PXDN: variants seen among roughly 807,000 people sequenced by gnomAD.
The protein encoded by PXDN is peroxidasin homolog.
A neutral mutation model predicts 140.3 loss-of-function variants in PXDN; 77 were observed. The observed-to-expected ratio is 0.55, with a 90% CI of 0.46 to 0.66. PXDN has a LOEUF of 0.66. Ranked by LOEUF, PXDN falls within the 30% of genes least tolerant of loss-of-function variation. PXDN has a pLI of 0.00. For synonymous variants in PXDN, 911 were observed against 857.4 expected (o/e 1.06, Z -1.09); for missense variants, 1,838 against 2,039.5 (o/e 0.90, Z 1.90).
At chr2:1,703,094 G>GT (rs2125459116) in intron 1 of PXDN, among the ~76,000 whole-genome samples, 1 of 8,046 alleles carries the variant, frequency 1.2e-4, no homozygotes, top group African/African-American at 5.6e-4. Context: ...TCCAGGTGAA[G>GT]GGGGGACAAC....
Position 1,649,383 on chromosome 2 carries a change from G to A in PXDN, c.2397C>T (p.Ser799=), listed in dbSNP as rs774781947. The change falls in exon 17 of 23, where the codon TCC becomes TCT. Residue 799 remains serine (S), a synonymous_variant. Coordinates refer to ENST00000252804, the MANE Select transcript of PXDN (RefSeq NM_012293.3). The surrounding 1 kb of genome is among the most constrained non-coding windows in gnomAD (Gnocchi z 7.1). ...GHALPMPRLV[S]TTLIGTETVT... The stretch of plus-strand genomic sequence containing the variant: ...CGGTCTCCGTCCCGATCAGGGTGGT[G>A]GACACCAGGCGCGGCATGGGAAGGG... 1.2e-6 allele frequency: 2 copies of A among 1,613,872 alleles called. No homozygotes were observed. The highest frequency in any genetic ancestry group is 8.5e-7 in the Non-Finnish European group (1 of 1,179,904).
chr2:1,743,002 T>A (rs949573309), intron 1 of PXDN, among the ~76,000 whole-genome samples: 34 of 152,352 alleles, frequency 2.2e-4, no homozygotes, highest in African/African-American at 8.2e-4. Flanking sequence ...CTGGCTCAGC[T>A]AAGAAACGTG....
At chr2:1,719,871 TGTGA>T (rs1229719438) in intron 1 of PXDN, among the ~76,000 whole-genome samples, 4,932 of 131,336 alleles carry the variant, frequency 0.038, 186 homozygotes, top group Non-Finnish European at 0.06. Context: ...TGTGTGTGTG[TGTGA>T]AAGAGAGAGA....
intron 9 of PXDN, among the ~76,000 whole-genome samples, chr2:1,667,056 G>T (rs536586555): frequency 6.6e-6 from 1 of 152,128 alleles, no homozygotes; most frequent in Non-Finnish European, 1.5e-5. Context: ...CAGCCCACCT[G>T]CAGGGACGTG....
intron 19 of PXDN, among the ~76,000 whole-genome samples, chr2:1,640,828 G>A (rs73178767): frequency 0.084 from 12,743 of 152,284 alleles, 645 homozygotes; most frequent in African/African-American, 0.14. Context: ...ATTACAGGGC[G>A]ACAGGGAAGC....
intron 9 of PXDN, among the ~76,000 whole-genome samples, chr2:1,671,304 A>G (rs1295147206): frequency 1.3e-5 from 2 of 152,232 alleles, no homozygotes; most frequent in Non-Finnish European, 2.9e-5. Context: ...AACATAGAAA[A>G]GTTTGGACAA....
intron 1 of PXDN, among the ~76,000 whole-genome samples, chr2:1,732,709 A>G (rs527330790): frequency 3.3e-5 from 5 of 152,360 alleles, no homozygotes; most frequent in East Asian, 1.9e-4. Context: ...AGTGCTCACC[A>G]AAGTGAAATT....
chr2:1,662,155 C>A lies in PXDN; in HGVS notation c.1597G>T (p.Asp533Tyr). 6.3e-7 allele frequency: 1 copy of A among 1,593,594 alleles called. No homozygotes were observed. The highest frequency in any genetic ancestry group is 8.5e-7 in the Non-Finnish European group (1 of 1,169,928). The change falls in exon 13 of 23, where the codon GAC becomes TAC. Residue 533 changes from aspartate to tyrosine, a missense_variant. Transcript: ENST00000252804. ...TTGGCGCCCACCTCCACTGTTGTGT[C>A]GCTGGGAATGCTGGCAAACACTGGG... is the stretch of plus-strand genomic sequence containing the variant. ...VTPVFASIPS[D>Y]TTVEVGANVQ...
chr2:1,737,677 T>A (rs1685452741), intron 1 of PXDN, among the ~76,000 whole-genome samples: 1 of 152,052 alleles, frequency 6.6e-6, no homozygotes, highest in African/African-American at 2.4e-5. Flanking sequence ...TAGCTGGAAC[T>A]ACAGGCGTGA....
intron 6 of PXDN, among the ~76,000 whole-genome samples, chr2:1,682,627 G>T (rs150531917): frequency 6.6e-6 from 1 of 152,336 alleles, no homozygotes; most frequent in East Asian, 1.9e-4. Flanking sequence ...TAAGCAAAAA[G>T]TATATTTGGA....
intron 1 of PXDN, among the ~76,000 whole-genome samples, chr2:1,738,246 C>A (rs189442359): frequency 1.2e-3 from 182 of 152,278 alleles, no homozygotes; most frequent in African/African-American, 4.2e-3. Context: ...TAAACCTGGG[C>A]GTTGGGAAGT....
intron 8 of PXDN, chr2:1,676,715 G>C (rs780393777): frequency 4.6e-5 from 28 of 611,818 alleles, no homozygotes; most frequent in Non-Finnish European, 7.9e-5. Context: ...CCAGGAGAGA[G>C]TGGGGAAGGG....
At chr2:1,716,918 A>C (rs1374580511) in intron 1 of PXDN, among the ~76,000 whole-genome samples, 4 of 152,196 alleles carry the variant, frequency 2.6e-5, no homozygotes, top group African/African-American at 9.6e-5. Flanking sequence ...CACACAGCCC[A>C]ACAGGGGCAG....
In PXDN at chr2:1,649,005, G is replaced by T; in HGVS notation, c.2775C>A (p.Ser925Arg). 1.2e-6 allele frequency: 2 copies of T among 1,612,224 alleles called. No homozygotes were observed. Among genetic ancestry groups the T allele is most frequent in the Non-Finnish European group, 1.7e-6 (2 of 1,179,524 alleles). ...CGCGGTGGCTGGCCAGGTCGCGGAT[G>T]CTGCGGGCCTCATGCTCCGTGCTCC... ...VYGSTEHEAR[S>R]IRDLASHRGL... Residue 925 changes from serine (S) to arginine (R), a missense_variant, in exon 17 of 23, where the codon AGC (serine) becomes AGA (arginine). Around this residue, in one of 5 missense-constraint regions of PXDN, gnomAD observed 850 missense variants for 894.1 expected, o/e 0.95. Transcript: ENST00000252804. The surrounding 1 kb of genome is among the most constrained non-coding windows in gnomAD (Gnocchi z 7.1).
Position 1,672,916 on chromosome 2 carries a change from G to A in PXDN, c.1018+727C>T, listed in dbSNP as rs569385633. Among the ~76,000 whole-genome samples the A allele has an allele frequency of 2.0e-5, 3 of 152,320 alleles. No homozygotes were observed. In the East Asian group the frequency reaches 5.8e-4, roughly 29 times the overall value. The stretch of plus-strand genomic sequence containing the variant: ...ACACCTGCAGCCTCCCTGGGTAAGG[G>A]CTCCGACTCTACCGGCTTCTGCACA... On this transcript the variant is annotated intron_variant, in intron 9 of 22. Transcript: ENST00000252804.
At position 1,649,991 on chromosome 2, in the gene PXDN, G is replaced by A. The variant is rs1682977898; in HGVS notation, c.2105-316C>T. ...TCCTCTGGGAGACCCCTAACCGATGGAGCCCGACCCACGTTGACCAGTCCA... is the reference window on the plus strand; with the variant it reads ...TCCTCTGGGAGACCCCTAACCGATGAAGCCCGACCCACGTTGACCAGTCCA... On this transcript the variant is annotated intron_variant, in intron 16 of 22. Transcript: ENST00000252804. This position sits in a 1 kb window ranked among gnomAD's most constrained non-coding sequence, Gnocchi z 7.1. 6.6e-6 allele frequency among the ~76,000 whole-genome samples: 1 copy of A among 151,994 alleles called. No individual in the cohort carries two copies. The highest frequency in any genetic ancestry group is 2.1e-4 in the South Asian group (1 of 4,806).
rs34336685 is a variant in PXDN at position 1,737,546 on chromosome 2, C to CT, written c.200+6709dup. Among the ~76,000 whole-genome samples, 98 of 150,036 alleles carry CT rather than the reference C, an allele frequency of 6.5e-4. 1 individual carries two copies. The East Asian group carries it at 0.011, about 17-fold the overall frequency. Reference sequence around the variant, plus strand: ...GGAAAAACATAATGCCTATTCTTTTCTTTTTTTTTTTGAGATGGAGTCTTG... The same window carrying CT: ...GGAAAAACATAATGCCTATTCTTTTCTTTTTTTTTTTTGAGATGGAGTCTTG... On this transcript the variant is annotated intron_variant, in intron 1 of 22. Transcript: ENST00000252804.
intron 1 of PXDN, among the ~76,000 whole-genome samples, chr2:1,724,288 T>G (rs1685123864): frequency 6.6e-6 from 1 of 151,032 alleles, no homozygotes; most frequent in African/African-American, 2.4e-5. Flanking sequence ...CCTTATATTT[T>G]ATTTAAAGTA....
intron 1 of PXDN, among the ~76,000 whole-genome samples, chr2:1,706,584 C>T (rs1235825954): frequency 8.8e-6 from 1 of 113,208 alleles, no homozygotes; most frequent in Non-Finnish European, 1.8e-5. Flanking sequence ...TGAGAGCACG[C>T]TTCAGTGTTC....
Sources: allele counts gnomAD v4.1 joint callset (sites outside exome capture counted in the v4.1 genomes callset), GRCh38; gene constraint gnomAD v4.1.1; regional missense constraint gnomAD v4.1.1; non-coding constraint Gnocchi (gnomAD v3.1); transcripts MANE v1.5; gene names NCBI Gene and HGNC (gene_info 2026-07-23, HGNC 2026-07-21).